COL25A1: variants seen among roughly 807,000 people sequenced by gnomAD.
COL25A1 encodes collagen type XXV alpha 1 chain, also known as collagen alpha-1(XXV) chain.
COL25A1 carries 103 observed loss-of-function variants against 128.4 expected under a neutral mutation model. The ratio of observed to expected loss-of-function variants is 0.80; its 90% CI spans 0.68 to 0.94. The LOEUF (loss-of-function observed/expected upper bound fraction) is 0.94, where lower values mean the gene tolerates loss of function less well. COL25A1 is among the 40% of genes least tolerant of loss of function. The pLI is 0.00. For missense variants in COL25A1, 745 were observed against 840.0 expected (o/e 0.89, Z 1.40); for synonymous variants, 279 against 277.2 (o/e 1.01, Z -0.06).
chr4:109,064,756 C>T (rs145909034), intron 3 of COL25A1, among the ~76,000 whole-genome samples: 2 of 152,272 alleles, frequency 1.3e-5, no homozygotes, highest in East Asian at 3.9e-4. Flanking sequence ...AATATGATTC[C>T]ATGAGAAGCA....
chr4:109,185,018 GT>G (rs1240607222), intron 3 of COL25A1, among the ~76,000 whole-genome samples: 2 of 152,170 alleles, frequency 1.3e-5, no homozygotes, highest in African/African-American at 4.8e-5. Context: ...AACTTGGTTT[GT>G]TTTTTGAAAT....
At chr4:108,838,688 A>G (rs147621391) in intron 31 of COL25A1, among the ~76,000 whole-genome samples, 1 of 152,336 alleles carries the variant, frequency 6.6e-6, no homozygotes, top group African/African-American at 2.4e-5. Context: ...GCAAGTCCTC[A>G]TTCACTGCCC....
intron 3 of COL25A1, among the ~76,000 whole-genome samples, chr4:109,105,291 T>A (rs1434593686): frequency 6.6e-6 from 1 of 152,082 alleles, no homozygotes; most frequent in Non-Finnish European, 1.5e-5. Flanking sequence ...CTGGCCAACA[T>A]GGTGAAACCT....
chr4:108,884,176 A>T lies in COL25A1; in HGVS notation c.1020+2T>A. The T allele has an allele frequency of 6.2e-7, 1 of 1,613,734 alleles. No individual in the cohort carries two copies. The highest frequency in any genetic ancestry group is 1.1e-5 in the South Asian group (1 of 91,062). On this transcript the variant is annotated splice_donor_variant, in intron 19 of 37. Transcript: ENST00000399132. LOFTEE classifies it high-confidence loss of function. Reference sequence around the variant, plus strand: ...AGCCGAGACTGTCCGTGCAGTATTTACCTTTATCCCCGGAAGTCCAGGAAG... The same window carrying T: ...AGCCGAGACTGTCCGTGCAGTATTTTCCTTTATCCCCGGAAGTCCAGGAAG...
intron 5 of COL25A1, among the ~76,000 whole-genome samples, chr4:109,033,379 A>G (rs1467861306): frequency 6.6e-6 from 1 of 152,218 alleles, no homozygotes; most frequent in Non-Finnish European, 1.5e-5. Context: ...TTTAGCTTCC[A>G]GGTATCGTGC....
At chr4:109,136,452 A>G (rs1769774890) in intron 3 of COL25A1, among the ~76,000 whole-genome samples, 2 of 152,264 alleles carry the variant, frequency 1.3e-5, no homozygotes, top group Admixed American at 6.5e-5. Context: ...AATTGAAGAA[A>G]GAGCAAGAGC....
intron 3 of COL25A1, among the ~76,000 whole-genome samples, chr4:109,071,279 C>G (rs1383845795): frequency 6.6e-6 from 1 of 152,116 alleles, no homozygotes; most frequent in Admixed American, 6.5e-5. Context: ...TTCCTTATAC[C>G]TTATACAAAA....
At chr4:109,111,574 C>T (rs757995349) in intron 3 of COL25A1, among the ~76,000 whole-genome samples, 1 of 152,180 alleles carries the variant, frequency 6.6e-6, no homozygotes, top group Non-Finnish European at 1.5e-5. Context: ...CAGACCAGTG[C>T]TTCTGGTCTA....
intron 20 of COL25A1, among the ~76,000 whole-genome samples, chr4:108,866,703 T>C (rs1578592206): frequency 6.6e-6 from 1 of 152,324 alleles, no homozygotes; most frequent in East Asian, 1.9e-4. Context: ...AAGAATGGTG[T>C]TCAGCTGAAA....
intron 3 of COL25A1, among the ~76,000 whole-genome samples, chr4:109,079,177 T>C (rs1763628104): frequency 6.6e-6 from 1 of 152,192 alleles, no homozygotes; most frequent in Non-Finnish European, 1.5e-5. Flanking sequence ...AGATTCAGAC[T>C]GAACTAAAGT....
At chr4:108,847,166 A>G (rs1038486651) in intron 27 of COL25A1, among the ~76,000 whole-genome samples, 1 of 152,090 alleles carries the variant, frequency 6.6e-6, no homozygotes, top group African/African-American at 2.4e-5. Context: ...TTGGCCTCCC[A>G]AAGTGCTGGG....
intron 8 of COL25A1, among the ~76,000 whole-genome samples, chr4:108,960,354 A>G (rs1417907189): frequency 1.3e-5 from 2 of 152,166 alleles, no homozygotes; most frequent in East Asian, 3.9e-4. Flanking sequence ...AACATTAATA[A>G]AAATGGTTAA....
chr4:108,883,450 T>TA (rs1453784893), intron 19 of COL25A1, among the ~76,000 whole-genome samples: 7 of 152,120 alleles, frequency 4.6e-5, no homozygotes, highest in Non-Finnish European at 1.0e-4. Flanking sequence ...CTAGAATATA[T>TA]AAAAAAACTT....
At chr4:109,115,482 AG>A (rs1767452632) in intron 3 of COL25A1, among the ~76,000 whole-genome samples, 1 of 152,082 alleles carries the variant, frequency 6.6e-6, no homozygotes, top group East Asian at 1.9e-4. Flanking sequence ...AAGAAAGGGT[AG>A]GGCTTAAATA....
chr4:108,953,913 G>A (rs1021458378), intron 8 of COL25A1, among the ~76,000 whole-genome samples: 6 of 152,078 alleles, frequency 3.9e-5, no homozygotes, highest in African/African-American at 1.4e-4. Context: ...TAGCCCAACT[G>A]ATAGAACTTT....
At chr4:109,286,367 G>T (rs1398896245) in intron 3 of COL25A1, among the ~76,000 whole-genome samples, 1 of 152,134 alleles carries the variant, frequency 6.6e-6, no homozygotes, top group African/African-American at 2.4e-5. Flanking sequence ...GTAGAGGAAA[G>T]AACAGCTTTG....
intron 3 of COL25A1, among the ~76,000 whole-genome samples, chr4:109,154,048 A>T (rs192320065): frequency 1.1e-3 from 161 of 152,362 alleles, no homozygotes; most frequent in Non-Finnish European, 1.9e-3. Flanking sequence ...CAACAAAATT[A>T]AAAAATAATC....
At chr4:108,958,053 T>C (rs971969269) in intron 8 of COL25A1, among the ~76,000 whole-genome samples, 2 of 152,202 alleles carry the variant, frequency 1.3e-5, no homozygotes, top group Non-Finnish European at 2.9e-5. Context: ...TTGTCTTTTT[T>C]ATTTTTTAAC....
At position 109,071,363 on chromosome 4, in the gene COL25A1, A is replaced by G. The variant is rs374642792; in HGVS notation, c.368-21184T>C. Among the ~76,000 whole-genome samples the G allele has an allele frequency of 1.3e-3, 193 of 152,242 alleles. 4 individuals carry two copies. The East Asian group carries it at 0.029, about 23-fold the overall frequency. ...AAAACCCTAGAAGAAAACCTAGGCAATACCATTCAGGACATAGGCATGGGC... is the reference window on the plus strand; with the variant it reads ...AAAACCCTAGAAGAAAACCTAGGCAGTACCATTCAGGACATAGGCATGGGC... On this transcript the variant is annotated intron_variant, in intron 3 of 37. Transcript: ENST00000399132.
Sources: gnomAD v4.1 joint callset for allele counts (sites outside exome capture counted in the v4.1 genomes callset) on GRCh38, gnomAD v4.1.1 for gene constraint, MANE v1.5 for transcripts, NCBI Gene and HGNC (gene_info 2026-07-23, HGNC 2026-07-21) for gene names.